Variants in PIBF1 observed in about 807,000 individuals in gnomAD.
The protein encoded by PIBF1 is progesterone immunomodulatory binding factor 1.
Under a neutral mutation model 112.5 loss-of-function variants are expected in PIBF1, and 90 were observed. The observed-to-expected ratio is 0.80, with a 90% CI of 0.67 to 0.95. The LOEUF is 0.95. Ranked by LOEUF, PIBF1 falls within the 40% of genes least tolerant of loss-of-function variation. The pLI is 0.00. For synonymous variants in PIBF1, 301 were observed against 288.6 expected, an observed-to-expected ratio of 1.04 and a Z score of -0.44; for missense variants, 915 against 852.3, an observed-to-expected ratio of 1.07 and a Z score of -0.92.
At chr13:73,007,960 G>A (rs2139051462) in intron 17 of PIBF1, among the ~76,000 whole-genome samples, 1 of 152,230 alleles carries the variant, frequency 6.6e-6, no homozygotes, top group South Asian at 2.1e-4. Context: ...ATCACTAATG[G>A]CTAGCACATT....
At chr13:72,836,240 C>T (rs1036390237) in intron 9 of PIBF1, 3 of 345,562 alleles carry the variant, frequency 8.7e-6, no homozygotes, top group African/African-American at 6.6e-5. Flanking sequence ...TATTTTTATA[C>T]CGTTATTATA....
chr13:72,856,800 CTTAA>C (rs1180862666), intron 10 of PIBF1, among the ~76,000 whole-genome samples: 4 of 152,198 alleles, frequency 2.6e-5, no homozygotes, highest in Non-Finnish European at 5.9e-5. Context: ...TTAATTCTTT[CTTAA>C]TTAATATATA....
At chr13:72,923,879 G>A (rs2041385639) in intron 13 of PIBF1, among the ~76,000 whole-genome samples, 1 of 152,182 alleles carries the variant, frequency 6.6e-6, no homozygotes, top group Non-Finnish European at 1.5e-5. Context: ...CAGGAGAATT[G>A]CTTGAACCTG....
intron 14 of PIBF1, among the ~76,000 whole-genome samples, chr13:72,945,387 C>T (rs1197401735): frequency 2.0e-5 from 3 of 152,052 alleles, no homozygotes; most frequent in Non-Finnish European, 4.4e-5. Context: ...GATTTATGTT[C>T]CTTTGGGTTT....
chr13:72,922,756 C>T (rs1169217413), intron 13 of PIBF1, among the ~76,000 whole-genome samples: 1 of 152,014 alleles, frequency 6.6e-6, no homozygotes, highest in Admixed American at 6.6e-5. Flanking sequence ...TATGAGTTCT[C>T]ATTTTTGTCC....
At chr13:72,919,594 T>C (rs945134128) in intron 13 of PIBF1, among the ~76,000 whole-genome samples, 1 of 152,186 alleles carries the variant, frequency 6.6e-6, no homozygotes, top group South Asian at 2.1e-4. Context: ...GGTAAAATAC[T>C]AAAACTTGAA....
chr13:72,873,632 C>T (rs1329801608), intron 10 of PIBF1, among the ~76,000 whole-genome samples: 1 of 152,018 alleles, frequency 6.6e-6, no homozygotes, highest in East Asian at 1.9e-4. Context: ...ACCTCAGGCA[C>T]TCCACCCACC....
Position 73,015,976 on chromosome 13 carries a change from A to G in PIBF1, c.*57A>G. On this transcript the variant is annotated 3_prime_UTR_variant, in exon 18 of 18. Coordinates refer to ENST00000326291, the MANE Select transcript of PIBF1 (RefSeq NM_006346.4). ...ATATACTCCTGAAGTTCTTTTTCTG[A>G]TGGAAAACAAAATTCAGCTTAATCG... 9.6e-7 allele frequency: 1 copy of G among 1,045,514 alleles called. No homozygotes were observed. The highest frequency in any genetic ancestry group is 2.0e-5 in the South Asian group (1 of 49,068). 64.8% of individuals were successfully genotyped at this position (1,045,514 alleles called of 1,614,324 possible). A position where few individuals can be genotyped will look rare whatever the true frequency, so the allele number is the denominator to read the frequency against.
At position 72,934,422 on chromosome 13, in the gene PIBF1, C is replaced by T. The variant is rs143635857; in HGVS notation, c.1833+3155C>T. ...AAGTGATTCTCCTGCATCAGCCTCCCGAGTAGCTGGTATTACAGGTGCACG... is the reference window on the plus strand; with the variant it reads ...AAGTGATTCTCCTGCATCAGCCTCCTGAGTAGCTGGTATTACAGGTGCACG... On this transcript the variant is annotated intron_variant, in intron 14 of 17. Transcript: ENST00000326291. Among the ~76,000 whole-genome samples the T allele has an allele frequency of 5.4e-3, 826 of 152,234 alleles. 15 individuals carry two copies. Among genetic ancestry groups the T allele is most frequent in the African/African-American group, 0.019 (770 of 41,536 alleles).
chr13:72,844,789 A>ACG lies in PIBF1; in HGVS notation c.1224-9267_1224-9266insGC, dbSNP rs1240167613. Among the ~76,000 whole-genome samples the ACG allele has an allele frequency of 4.0e-3, 484 of 119,624 alleles. 30 individuals carry two copies. The highest frequency in any genetic ancestry group is 0.017 in the African/African-American group (437 of 26,316). The allele number at this position is 119,624 out of a possible 152,430, so 78.5% of individuals were successfully genotyped here. ...CACACACACACACACACACACACAC[A>ACG]CACACACACACGGATGAAGTCTTAC... On this transcript the variant is annotated intron_variant, in intron 9 of 17. Coordinates refer to ENST00000326291, the MANE Select transcript of PIBF1 (RefSeq NM_006346.4).
At position 72,814,368 on chromosome 13, in the gene PIBF1, G is replaced by A. The variant is rs529124529; in HGVS notation, c.673-7481G>A. On this transcript the variant is annotated intron_variant, in intron 5 of 17. Transcript: ENST00000326291. ...GTAGAATTGCTTGAACCCAGGAGGCGGAGGTTGCAGTGAGCCGAGATTGCG... is the reference window on the plus strand; with the variant it reads ...GTAGAATTGCTTGAACCCAGGAGGCAGAGGTTGCAGTGAGCCGAGATTGCG... Among the ~76,000 whole-genome samples, 15 of 151,028 alleles carry A rather than the reference G, an allele frequency of 9.9e-5. No homozygotes were observed. The East Asian group carries it at 1.2e-3, about 12-fold the overall frequency.
intron 16 of PIBF1, chr13:72,974,302 A>G (rs551471715): frequency 6.6e-6 from 1 of 152,324 alleles, no homozygotes; most frequent in African/African-American, 2.4e-5. Context: ...CACCACCACA[A>G]TCAATATATA....
At chr13:72,928,898 T>G (rs974045146) in intron 13 of PIBF1, among the ~76,000 whole-genome samples, 9 of 152,230 alleles carry the variant, frequency 5.9e-5, no homozygotes, top group Admixed American at 4.6e-4. Flanking sequence ...TTCAAGTCAT[T>G]ATCTTGTTCA....
rs1222047667 is a variant in PIBF1, at chr13:73,007,242, A to G, written c.2223+8247A>G. 2.0e-5 allele frequency among the ~76,000 whole-genome samples: 3 copies of G among 151,648 alleles called. No homozygotes were observed. The East Asian group carries it at 5.8e-4, about 29-fold the overall frequency. On this transcript the variant is annotated intron_variant, in intron 17 of 17. Coordinates refer to ENST00000326291, the MANE Select transcript of PIBF1 (RefSeq NM_006346.4). ...AAAATAGAAAAAAGAAACACTGCTG[A>G]TCAAAGAGCTAAAAGAATGGAATTA...
chr13:72,894,776 T>TA lies in PIBF1; in HGVS notation c.1488+827_1488+828insA, dbSNP rs1171212595. On this transcript the variant is annotated intron_variant, in intron 11 of 17. Coordinates refer to ENST00000326291, the MANE Select transcript of PIBF1 (RefSeq NM_006346.4). The stretch of plus-strand genomic sequence containing the variant: ...ATATATATTATATATATATATAGTG[T>TA]GTGTGTGTGTGTGTGTGTGTGTGTG... Among the ~76,000 whole-genome samples, 42 of 139,814 alleles carry TA rather than the reference T, an allele frequency of 3.0e-4. 1 individual carries two copies. Among genetic ancestry groups the TA allele is most frequent in the African/African-American group, 1.0e-3 (39 of 37,770 alleles). The allele number at this position is 139,814 out of a possible 152,430, so 91.7% of individuals were successfully genotyped here.
chr13:72,858,326 A>G (rs2038537007), intron 10 of PIBF1, among the ~76,000 whole-genome samples: 1 of 152,230 alleles, frequency 6.6e-6, no homozygotes, highest in Non-Finnish European at 1.5e-5. Context: ...TGCTGGGATT[A>G]CAGGCGTGAG....
At chr13:72,803,791 G>A (rs548279898) in intron 5 of PIBF1, among the ~76,000 whole-genome samples, 16 of 152,298 alleles carry the variant, frequency 1.1e-4, no homozygotes, top group African/African-American at 3.8e-4. Flanking sequence ...TTATTTAAAT[G>A]AGGCTGGGGG....
chr13:72,869,631 AT>A (rs2039077255), intron 10 of PIBF1, among the ~76,000 whole-genome samples: 1 of 151,772 alleles, frequency 6.6e-6, no homozygotes, highest in African/African-American at 2.4e-5. Context: ...ATAATAAAAA[AT>A]AAATAATAAA....
chr13:72,942,265 TAAAAAA>T (rs35561447), intron 14 of PIBF1, among the ~76,000 whole-genome samples: 3 of 134,818 alleles, frequency 2.2e-5, no homozygotes, highest in African/African-American at 8.3e-5. Flanking sequence ...TTCAATGATG[TAAAAAA>T]AAAAAAAAAA....
Sources: gnomAD v4.1 joint callset for allele counts (sites outside exome capture counted in the v4.1 genomes callset) on GRCh38, gnomAD v4.1.1 for gene constraint, MANE v1.5 for transcripts, NCBI Gene and HGNC (gene_info 2026-07-23, HGNC 2026-07-21) for gene names.